MYO6: variants seen among roughly 807,000 people sequenced by gnomAD.
The protein encoded by MYO6 is unconventional myosin-VI.
MYO6 carries 74 observed loss-of-function variants against 178.7 expected under a neutral mutation model. The ratio of observed to expected loss-of-function variants is 0.41; its 90% CI spans 0.34 to 0.50. The LOEUF is 0.50. MYO6 is among the 20% of genes least tolerant of loss of function. The pLI is 0.09. For missense variants in MYO6, 1,330 were observed against 1,547.4 expected (o/e 0.86, Z 2.36); for synonymous variants, 477 against 504.6 (o/e 0.95, Z 0.73).
intron 1 of MYO6, among the ~76,000 whole-genome samples, chr6:75,802,679 A>G (rs1434592349): frequency 6.6e-6 from 1 of 151,596 alleles, no homozygotes; most frequent in East Asian, 1.9e-4. Context: ...AGAGACAGGG[A>G]TCTCACTTTG....
intron 1 of MYO6, among the ~76,000 whole-genome samples, chr6:75,812,672 G>A (rs1023238647): frequency 6.8e-6 from 1 of 148,038 alleles, no homozygotes; most frequent in African/African-American, 2.5e-5. Context: ...TTTTTTTTTA[G>A]CTCCCACAGA....
intron 7 of MYO6, among the ~76,000 whole-genome samples, chr6:75,838,092 G>A (rs996740627): frequency 2.7e-5 from 4 of 148,028 alleles, no homozygotes; most frequent in Non-Finnish European, 5.9e-5. Flanking sequence ...TCACTCTGTC[G>A]CCGAGTCTGG....
chr6:75,908,483 A>C lies in MYO6; in HGVS notation c.3281-13A>C. ...CATGTCAATTTTTTTTTTTTGCTCAATGTAATCAATAGATATTGAGCTCCT... is the reference window on the plus strand; with the variant it reads ...CATGTCAATTTTTTTTTTTTGCTCACTGTAATCAATAGATATTGAGCTCCT... On this transcript the variant is annotated splice_polypyrimidine_tract_variant and intron_variant, in intron 31 of 34. Coordinates refer to ENST00000369977, the MANE Select transcript of MYO6 (RefSeq NM_004999.4). 2 of 1,610,790 alleles carry C rather than the reference A, an allele frequency of 1.2e-6. No individual in the cohort carries two copies. The highest frequency in any genetic ancestry group is 1.7e-6 in the Non-Finnish European group (2 of 1,178,516).
chr6:75,803,712 G>A (rs576336399), intron 1 of MYO6, among the ~76,000 whole-genome samples: 1 of 152,250 alleles, frequency 6.6e-6, no homozygotes, highest in East Asian at 1.9e-4. Context: ...TTTGGACTTA[G>A]TGATGGGTCT....
intron 1 of MYO6, among the ~76,000 whole-genome samples, chr6:75,780,361 T>C (rs1333372113): frequency 6.6e-6 from 1 of 152,126 alleles, no homozygotes; most frequent in African/African-American, 2.4e-5. Flanking sequence ...AGAATCACTG[T>C]AACCCAGGAG....
At chr6:75,779,013 C>T (rs941481113) in intron 1 of MYO6, among the ~76,000 whole-genome samples, 62 of 146,388 alleles carry the variant, frequency 4.2e-4, no homozygotes, top group Middle Eastern at 7.1e-3. Flanking sequence ...ACCGTGATCC[C>T]GCCAGTGCAT....
At position 75,914,126 on chromosome 6, in the gene MYO6, A is replaced by C; in HGVS notation, c.3503A>C (p.Gln1168Pro). The change falls in exon 34 of 35, where the codon CAA (glutamine) becomes CCA (proline). Residue 1168 changes from glutamine (Q) to proline (P), a missense_variant. Around this residue, in one of 3 missense-constraint regions of MYO6, gnomAD observed 601 missense variants for 626.1 expected, o/e 0.96. Transcript: ENST00000369977. ...RQREIEMNRQ[Q>P]RFFRIPFIRP... Reference sequence around the variant, plus strand: ...CGGGAGATTGAAATGAACCGACAGCAACGCTTCTTCCGCATCCCATTCATC... The same window carrying C: ...CGGGAGATTGAAATGAACCGACAGCCACGCTTCTTCCGCATCCCATTCATC... The C allele has an allele frequency of 6.2e-7, 1 of 1,614,164 alleles. No homozygotes were observed. The highest frequency in any genetic ancestry group is 1.1e-5 in the South Asian group (1 of 91,080).
intron 1 of MYO6, among the ~76,000 whole-genome samples, chr6:75,786,285 T>C (rs1276359907): frequency 6.6e-6 from 1 of 152,192 alleles, no homozygotes; most frequent in African/African-American, 2.4e-5. Context: ...GTTCATGCAC[T>C]ATTACCACAC....
chr6:75,893,774 A>G (rs1354547141), intron 28 of MYO6, among the ~76,000 whole-genome samples: 1 of 152,224 alleles, frequency 6.6e-6, no homozygotes, highest in Non-Finnish European at 1.5e-5. Flanking sequence ...GAATATGGCT[A>G]TATGAACAAA....
chr6:75,878,846 T>G (rs1562277252), intron 20 of MYO6, among the ~76,000 whole-genome samples: 1 of 152,218 alleles, frequency 6.6e-6, no homozygotes, highest in African/African-American at 2.4e-5. Context: ...CTGGCATCAC[T>G]TATAGCTCAG....
chr6:75,850,393 T>C (rs145391842), intron 11 of MYO6, among the ~76,000 whole-genome samples: 1 of 152,352 alleles, frequency 6.6e-6, no homozygotes, highest in East Asian at 1.9e-4. Flanking sequence ...ATCTCCATTT[T>C]ACAGAAGTGG....
intron 1 of MYO6, among the ~76,000 whole-genome samples, chr6:75,777,283 A>G (rs1361267984): frequency 2.0e-5 from 3 of 152,180 alleles, no homozygotes; most frequent in Non-Finnish European, 2.9e-5. Context: ...ATAAAGATGG[A>G]TCACTTTATC....
chr6:75,892,681 C>A lies in MYO6; in HGVS notation c.3098C>A (p.Ala1033Glu), dbSNP rs147066544. Residue 1033 changes from alanine (A) to glutamate (E), a missense_variant, in exon 28 of 35, where the codon GCG becomes GAG. Around this residue, in one of 3 missense-constraint regions of MYO6, gnomAD observed 601 missense variants for 626.1 expected, o/e 0.96. Transcript: ENST00000369977. ...LISDEAQADL[A>E]LRRNDGTRPK... ...AGTGATGAGGCCCAGGCCGACCTGG[C>A]GCTGCGGAGGTACTGGGGCCCCTGG... is the stretch of plus-strand genomic sequence containing the variant. 1 of 1,612,114 alleles carries A rather than the reference C, an allele frequency of 6.2e-7. No homozygotes were observed. Among genetic ancestry groups the A allele is most frequent in the Non-Finnish European group, 8.5e-7 (1 of 1,179,940 alleles).
chr6:75,838,117 A>T (rs569642801), intron 7 of MYO6, among the ~76,000 whole-genome samples: 76 of 146,190 alleles, frequency 5.2e-4, no homozygotes, highest in South Asian at 1.1e-3. Flanking sequence ...CAGTGGTGTG[A>T]TCTTGGCTCA....
intron 5 of MYO6, 103 bp downstream of exon 5, chr6:75,830,648 A>C: frequency 8.5e-7 from 1 of 1,178,410 alleles, no homozygotes; most frequent in Non-Finnish European, 1.2e-6. Flanking sequence ...AATTGAATAT[A>C]TATTTTGGAG....
chr6:75,889,748 C>G (rs1778756479), intron 25 of MYO6, among the ~76,000 whole-genome samples: 1 of 152,128 alleles, frequency 6.6e-6, no homozygotes, highest in African/African-American at 2.4e-5. Flanking sequence ...ATTACCTTAT[C>G]CACAGATTAC....
chr6:75,904,690 G>C (rs368829076), intron 30 of MYO6, among the ~76,000 whole-genome samples: 3 of 152,098 alleles, frequency 2.0e-5, no homozygotes, highest in Non-Finnish European at 4.4e-5. Flanking sequence ...CCCGTAGCTC[G>C]GAGTAATTTG....
chr6:75,828,736 G>C, intron 4 of MYO6, 123 bp downstream of exon 4: 1 of 724,484 alleles, frequency 1.4e-6, no homozygotes, highest in Non-Finnish European at 2.5e-6. Flanking sequence ...CTCTTGAATA[G>C]AGTGTGAGGT....
intron 20 of MYO6, among the ~76,000 whole-genome samples, chr6:75,879,307 C>G (rs1273975823): frequency 1.3e-5 from 2 of 152,112 alleles, no homozygotes; most frequent in South Asian, 4.1e-4. Flanking sequence ...ATACAGTGTC[C>G]TGCAAGGCTC....
Sources: allele counts gnomAD v4.1 joint callset (sites outside exome capture counted in the v4.1 genomes callset), GRCh38; gene constraint gnomAD v4.1.1; regional missense constraint gnomAD v4.1.1; transcripts MANE v1.5; gene names NCBI Gene and HGNC (gene_info 2026-07-23, HGNC 2026-07-21).